The following ERCC8 variants were observed in gnomAD, a reference collection of about 807,000 sequenced individuals.
ERCC8 encodes ERCC excision repair 8, CSA ubiquitin ligase complex subunit, also known as DNA excision repair protein ERCC-8.
A neutral mutation model predicts 54.9 loss-of-function variants in ERCC8; 52 were observed. The ratio of observed to expected loss-of-function variants is 0.95; its 90% confidence interval spans 0.76 to 1.19. The LOEUF is 1.19. Among genes scored for constraint, ERCC8 ranks in the 50% most tolerant of loss-of-function variants. The pLI is 0.00. For missense variants in ERCC8, 514 were observed against 466.1 expected (o/e 1.10, Z -0.95); for synonymous variants, 146 against 157.2 (o/e 0.93, Z 0.53).
At chr5:60,881,058 C>T (rs1748202653) in intron 11 of ERCC8, among the ~76,000 whole-genome samples, 1 of 152,126 alleles carries the variant, frequency 6.6e-6, no homozygotes, top group Non-Finnish European at 1.5e-5. Flanking sequence ...GATGTCCTTT[C>T]TGCTTGTTAG....
intron 9 of ERCC8, chr5:60,893,057 C>G (rs1354685200): frequency 1.5e-5 from 12 of 779,288 alleles, no homozygotes; most frequent in Non-Finnish European, 2.8e-5. Context: ...ACTTCACAAC[C>G]TCCTTGGGGT....
At chr5:60,937,946 C>T (rs1422199412) in intron 1 of ERCC8, among the ~76,000 whole-genome samples, 9 of 151,204 alleles carry the variant, frequency 6.0e-5, no homozygotes, top group Non-Finnish European at 1.2e-4. Context: ...CTCTCATTCT[C>T]CTCTGTTTTA....
chr5:60,943,198 A>G (rs1389858364), intron 1 of ERCC8, among the ~76,000 whole-genome samples: 1 of 152,092 alleles, frequency 6.6e-6, no homozygotes, highest in East Asian at 1.9e-4. Context: ...TTGAGCCTGG[A>G]AAGTCGAGGC....
At chr5:60,921,789 G>C (rs553406463) in intron 3 of ERCC8, among the ~76,000 whole-genome samples, 1 of 151,998 alleles carries the variant, frequency 6.6e-6, no homozygotes, top group East Asian at 1.9e-4. Context: ...TAAAGAAAAA[G>C]AAGGACATAA....
At position 60,897,951 on chromosome 5, in the gene ERCC8, T is replaced by A. The variant is rs571591044; in HGVS notation, c.843+325A>T. Among the ~76,000 whole-genome samples, 15 of 152,346 alleles carry A rather than the reference T, an allele frequency of 9.8e-5. No individual in the cohort carries two copies. In the East Asian group the frequency reaches 2.5e-3, roughly 25 times the overall value. On this transcript the variant is annotated intron_variant, in intron 9 of 11. Coordinates refer to ENST00000676185, the MANE Select transcript of ERCC8 (RefSeq NM_000082.4). Reference sequence around the variant, plus strand: ...TCAGATTAGGGATACTCAACCTATATAAAATTTGATTACTTAGCTTCATAT... The same window carrying A: ...TCAGATTAGGGATACTCAACCTATAAAAAATTTGATTACTTAGCTTCATAT...
At position 60,899,824 on chromosome 5, in the gene ERCC8, T is replaced by C. The variant is rs948493599; in HGVS notation, c.618-97A>G. ...ATTTTATGGCACACAGAGGTCTCGT[T>C]ATATAGGTACATATGTATTCATACA... On this transcript the variant is annotated intron_variant, in intron 7 of 11. Transcript: ENST00000676185. 97 of 870,744 alleles carry C rather than the reference T, an allele frequency of 1.1e-4. No homozygotes were observed. In the Admixed American group the frequency reaches 1.6e-3, roughly 15 times the overall value. The allele number at this position is 870,744 out of a possible 1,614,324, so 53.9% of individuals were successfully genotyped here.
intron 1 of ERCC8, among the ~76,000 whole-genome samples, chr5:60,930,561 A>ACAAAAG (rs1259199394): frequency 6.7e-6 from 1 of 149,976 alleles, no homozygotes; most frequent in Non-Finnish European, 1.5e-5. Flanking sequence ...CCGTCTAAAA[A>ACAAAAG]CAAAAACAAA....
chr5:60,899,108 A>G (rs1029002193), intron 8 of ERCC8, among the ~76,000 whole-genome samples: 2 of 149,324 alleles, frequency 1.3e-5, no homozygotes, highest in Non-Finnish European at 1.5e-5. Context: ...ACATAAAACA[A>G]TTATAGGTTT....
chr5:60,901,450 TC>T (rs1159863790), intron 7 of ERCC8, among the ~76,000 whole-genome samples: 1 of 152,040 alleles, frequency 6.6e-6, no homozygotes, highest in East Asian at 1.9e-4. Flanking sequence ...GCTCCCTCAC[TC>T]TTTCAATCTA....
intron 2 of ERCC8, among the ~76,000 whole-genome samples, chr5:60,925,591 G>GA (rs1749723488): frequency 6.6e-6 from 1 of 152,156 alleles, no homozygotes; most frequent in South Asian, 2.1e-4. Flanking sequence ...AGGTATATCA[G>GA]ATGCCTTATC....
At chr5:60,917,184 G>A (rs1749459697) in intron 4 of ERCC8, among the ~76,000 whole-genome samples, 1 of 151,888 alleles carries the variant, frequency 6.6e-6, no homozygotes, top group Non-Finnish European at 1.5e-5. Context: ...CTCATAAGTG[G>A]CAGAATGGAA....
chr5:60,903,162 C>T (rs1041631706), intron 6 of ERCC8, among the ~76,000 whole-genome samples: 4 of 151,764 alleles, frequency 2.6e-5, no homozygotes, highest in Admixed American at 6.6e-5. Context: ...TATATTCTAT[C>T]TTTTCATTGT....
chr5:60,918,134 T>G lies in ERCC8; in HGVS notation c.399+131A>C, dbSNP rs139218655. On this transcript the variant is annotated intron_variant, in intron 4 of 11. Coordinates refer to ENST00000676185, the MANE Select transcript of ERCC8 (RefSeq NM_000082.4). ...AGGATATGAACTCAAGTAGTCTAGC[T>G]CTTCTTAACCACTGTACTGCTTTCA... The G allele has an allele frequency of 6.7e-4, 494 of 735,562 alleles. 3 individuals carry two copies. The East Asian group carries it at 0.013, about 19-fold the overall frequency. The allele number at this position is 735,562 out of a possible 1,614,324, so 45.6% of individuals were successfully genotyped here.
At chr5:60,909,245 A>AG (rs1427384829) in intron 4 of ERCC8, among the ~76,000 whole-genome samples, 491 of 20,528 alleles carry the variant, frequency 0.024, no homozygotes, top group Middle Eastern at 0.075. Context: ...CCTATTCTGA[A>AG]AAAAAAAAAA....
chr5:60,889,098 T>C (rs1275065251), intron 10 of ERCC8, among the ~76,000 whole-genome samples: 2 of 152,206 alleles, frequency 1.3e-5, no homozygotes, highest in African/African-American at 4.8e-5. Context: ...TTCCTCATGA[T>C]TAAATTTGAG....
At chr5:60,892,613 A>C (rs1358940812) in intron 9 of ERCC8, 3 of 669,298 alleles carry the variant, frequency 4.5e-6, no homozygotes, top group Non-Finnish European at 8.4e-6. Context: ...ACCCAGAGAG[A>C]AGGTAATAGT....
At chr5:60,904,533 T>C (rs1030846586) in intron 5 of ERCC8, among the ~76,000 whole-genome samples, 1 of 150,448 alleles carries the variant, frequency 6.6e-6, no homozygotes, top group African/African-American at 2.4e-5. Flanking sequence ...AAATACGCTC[T>C]TATTCTCTGA....
At chr5:60,904,555 A>AGCATAGT (rs1225771099) in intron 5 of ERCC8, among the ~76,000 whole-genome samples, 4 of 149,198 alleles carry the variant, frequency 2.7e-5, no homozygotes, top group Non-Finnish European at 5.9e-5. Flanking sequence ...TCCTGGCCAC[A>AGCATAGT]GCATAGTGCT....
chr5:60,877,045 T>C (rs1158460757), intron 11 of ERCC8, among the ~76,000 whole-genome samples: 2 of 152,212 alleles, frequency 1.3e-5, no homozygotes, highest in Admixed American at 1.3e-4. Flanking sequence ...CCATCTTGAA[T>C]TGATTTTTGT....
Sources: allele counts gnomAD v4.1 joint callset (sites outside exome capture counted in the v4.1 genomes callset), GRCh38; gene constraint gnomAD v4.1.1; transcripts MANE v1.5; gene names NCBI Gene and HGNC (gene_info 2026-07-23, HGNC 2026-07-21).